DPRX: variants seen among roughly 807,000 people sequenced by gnomAD.
DPRX encodes divergent-paired related homeobox.
Under a neutral mutation model 8.4 loss-of-function variants are expected in DPRX, and 11 were observed. That is an observed-to-expected ratio of 1.31 (90% CI 0.82 to 2.17). The LOEUF is 2.17. Ranked by LOEUF, DPRX falls within the 30% of genes most tolerant of loss-of-function variation. The pLI, the probability that DPRX is intolerant of heterozygous loss-of-function variation, is 0.00. For missense variants in DPRX, 211 were observed against 236.7 expected (o/e 0.89, Z 0.71); for synonymous variants, 72 against 87.0 (o/e 0.83, Z 0.96).
chr19:53,633,190 G>A (rs2091099685), intron 1 of DPRX, among the ~76,000 whole-genome samples: 1 of 152,164 alleles, frequency 6.6e-6, no homozygotes, highest in Non-Finnish European at 1.5e-5. Context: ...CTACTCGGGA[G>A]GCTGAGGTGA....
the DPRX span, chr19:53,617,255 G>C: frequency 2.6e-6 from 2 of 756,248 alleles, no homozygotes; most frequent in South Asian, 1.4e-5. Context: ...TGATGGGTTA[G>C]AGTGCCTTTA....
At chr19:53,601,630 C>T in the DPRX span, among the ~76,000 whole-genome samples, 3 of 151,846 alleles carry the variant, frequency 2.0e-5, no homozygotes, top group East Asian at 1.9e-4. Flanking sequence ...TACCGGCACA[C>T]ACCACCATGC....
chr19:53,606,702 G>A, the DPRX span: 1 of 149,628 alleles, frequency 6.7e-6, no homozygotes, highest in African/African-American at 2.5e-5. The surrounding 1 kb of genome is among the most constrained non-coding windows in gnomAD (Gnocchi z 4.8). Flanking sequence ...GCACCGGGCG[G>A]TGAGGGTGGA....
intron 1 of DPRX, 145 bp downstream of exon 1, chr19:53,632,279 C>T (rs771198698): frequency 9.0e-6 from 9 of 1,002,998 alleles, no homozygotes; most frequent in African/African-American, 3.3e-5. Context: ...AGGCTGTCAT[C>T]GTTTTTGTTG....
At chr19:53,602,039 G>A in the DPRX span, 19 of 456,620 alleles carry the variant, frequency 4.2e-5, no homozygotes, top group African/African-American at 8.0e-5. Context: ...GTCTCCAGAC[G>A]GTGAAAGTGA....
At chr19:53,610,417 A>G in the DPRX span, among the ~76,000 whole-genome samples, 1 of 152,218 alleles carries the variant, frequency 6.6e-6, no homozygotes, top group East Asian at 1.9e-4. Context: ...TACTCCATTC[A>G]TGTATCAAAA....
intron 1 of DPRX, 79 bp downstream of exon 1, chr19:53,632,213 G>A: frequency 1.9e-6 from 3 of 1,604,408 alleles, no homozygotes; most frequent in South Asian, 2.2e-5. Context: ...AAGGCAGAGG[G>A]ACCAGGCGGC....
At chr19:53,602,687 A>G in the DPRX span, among the ~76,000 whole-genome samples, 1 of 151,762 alleles carries the variant, frequency 6.6e-6, no homozygotes, top group African/African-American at 2.4e-5. Flanking sequence ...GGCGTCTGCC[A>G]CCGTGCTCGG....
upstream of DPRX, among the ~76,000 whole-genome samples, chr19:53,630,423 G>A (rs1171550768): frequency 2.0e-5 from 3 of 151,908 alleles, no homozygotes; most frequent in African/African-American, 7.3e-5. Flanking sequence ...ATGGTAGTGT[G>A]CACCTGTAGT....
At chr19:53,622,686 A>G in the DPRX span, among the ~76,000 whole-genome samples, 1 of 152,050 alleles carries the variant, frequency 6.6e-6, no homozygotes, top group African/African-American at 2.4e-5. Flanking sequence ...CCAGTGCTTT[A>G]TCAGCCTGAA....
chr19:53,635,105 T>A (rs140283237), intron 2 of DPRX, among the ~76,000 whole-genome samples: 1 of 152,212 alleles, frequency 6.6e-6, no homozygotes, highest in Non-Finnish European at 1.5e-5. Flanking sequence ...CCCAAGTAGC[T>A]GGGACTACAG....
the DPRX span, chr19:53,601,513 G>T: frequency 1.5e-3 from 514 of 345,286 alleles, 2 homozygotes; most frequent in Non-Finnish European, 2.6e-3. Context: ...ACAGAGTCTT[G>T]CTGTGTCACC....
chr19:53,630,045 A>G (rs2091086295), upstream of DPRX: 1 of 150,990 alleles, frequency 6.6e-6, no homozygotes, highest in East Asian at 2.0e-4. Context: ...TGTCTCTACT[A>G]AAAATACAAA....
chr19:53,623,433 G>A, the DPRX span, among the ~76,000 whole-genome samples: 5 of 152,074 alleles, frequency 3.3e-5, no homozygotes, highest in Admixed American at 2.0e-4. Flanking sequence ...GAGGTTGGGA[G>A]TTTGAGACCA....
the DPRX span, chr19:53,602,209 CTAAA>C: frequency 2.3e-6 from 1 of 443,612 alleles, no homozygotes; most frequent in Non-Finnish European, 4.5e-6. Context: ...ACTTCAGAAG[CTAAA>C]TAAGTGAAGA....
upstream of DPRX, among the ~76,000 whole-genome samples, chr19:53,630,504 A>AT (rs1230925574): frequency 6.6e-6 from 1 of 151,928 alleles, no homozygotes; most frequent in Non-Finnish European, 1.5e-5. Context: ...TTGAGCTATG[A>AT]TTTTGCCACT....
upstream of DPRX, among the ~76,000 whole-genome samples, chr19:53,629,049 C>T (rs567066750): frequency 1.1e-4 from 16 of 151,568 alleles, no homozygotes; most frequent in East Asian, 2.0e-4. Context: ...CGCAGTGGCT[C>T]ACACCAGTAA....
At chr19:53,607,272 C>A in the DPRX span, among the ~76,000 whole-genome samples, 1 of 152,176 alleles carries the variant, frequency 6.6e-6, no homozygotes, top group Non-Finnish European at 1.5e-5. Flanking sequence ...CAAGAGGGCA[C>A]CTCTGGCCAG....
At chr19:53,603,782 C>A in the DPRX span, among the ~76,000 whole-genome samples, 1 of 141,180 alleles carries the variant, frequency 7.1e-6, no homozygotes, top group Non-Finnish European at 1.5e-5. Flanking sequence ...CTCACTCTGT[C>A]ACCCAGGCTG....
Sources: gnomAD v4.1 joint callset for allele counts (sites outside exome capture counted in the v4.1 genomes callset) on GRCh38, gnomAD v4.1.1 for gene constraint, Gnocchi (gnomAD v3.1) non-coding constraint, MANE v1.5 for transcripts, NCBI Gene and HGNC (gene_info 2026-07-23, HGNC 2026-07-21) for gene names.